Variants in TRPM1 observed in about 807,000 individuals in gnomAD.
TRPM1 encodes the protein TRPM1-203 APA Isoform, Intron 10.
Under a neutral mutation model 149.4 loss-of-function variants are expected in TRPM1, and 113 were observed. That is an observed-to-expected ratio of 0.76 (90% confidence interval 0.65 to 0.88). The LOEUF is 0.88. Ranked by LOEUF, TRPM1 falls within the 40% of genes least tolerant of loss-of-function variation. The pLI is 0.00. For synonymous variants in TRPM1, 741 were observed against 759.5 expected (o/e 0.98, Z 0.40); for missense variants, 1,976 against 2,038.7 (o/e 0.97, Z 0.59).
chr15:31,009,197 G>A (rs765193917), intron 27 of TRPM1, among the ~76,000 whole-genome samples: 1 of 150,854 alleles, frequency 6.6e-6, no homozygotes, highest in Non-Finnish European at 1.5e-5. Flanking sequence ...TTTTCTTTCA[G>A]CACTTTAAAA....
chr15:31,139,047 T>A (rs2036125945), intron 1 of TRPM1, among the ~76,000 whole-genome samples: 1 of 152,186 alleles, frequency 6.6e-6, no homozygotes, highest in Non-Finnish European at 1.5e-5. Flanking sequence ...GAGACTCAAG[T>A]GCACTTCTTA....
intron 1 of TRPM1, among the ~76,000 whole-genome samples, chr15:31,099,405 A>G (rs1468269357): frequency 6.6e-6 from 1 of 152,104 alleles, no homozygotes; most frequent in Non-Finnish European, 1.5e-5. Flanking sequence ...ACACCCAGAC[A>G]CACACACATA....
chr15:31,005,108 T>A (rs965133126), intron 27 of TRPM1, among the ~76,000 whole-genome samples: 1 of 147,684 alleles, frequency 6.8e-6, no homozygotes, highest in Non-Finnish European at 1.5e-5. Flanking sequence ...TCTCAAAAAA[T>A]AAATAAATAA....
chr15:31,134,509 GT>G (rs1335058861), intron 1 of TRPM1, among the ~76,000 whole-genome samples: 2 of 152,204 alleles, frequency 1.3e-5, no homozygotes, highest in Admixed American at 1.3e-4. Flanking sequence ...GAAAAGAAGA[GT>G]GACTAAATCA....
intron 15 of TRPM1, 37 bp downstream of exon 15, chr15:31,047,074 G>A: frequency 1.2e-6 from 2 of 1,614,102 alleles, no homozygotes; most frequent in Non-Finnish European, 1.7e-6. Flanking sequence ...CATGGTACTC[G>A]CGAACCACAG....
chr15:31,004,248 C>T (rs2031894595), intron 27 of TRPM1, among the ~76,000 whole-genome samples: 1 of 152,052 alleles, frequency 6.6e-6, no homozygotes, highest in Non-Finnish European at 1.5e-5. Context: ...TTATACATGT[C>T]CTCACTCGTA....
intron 25 of TRPM1, 71 bp downstream of exon 25, chr15:31,028,261 G>C: frequency 6.3e-7 from 1 of 1,589,858 alleles, no homozygotes; most frequent in Admixed American, 1.7e-5. Context: ...TCTTGGGAGC[G>C]TTCTGAGATT....
At chr15:31,063,485 TCA>T (rs1319038087) in intron 7 of TRPM1, among the ~76,000 whole-genome samples, 193 bp from the exon 8 acceptor site, 1 of 152,168 alleles carries the variant, frequency 6.6e-6, no homozygotes, top group African/African-American at 2.4e-5. Context: ...TGAGACAGAA[TCA>T]CACTCTGTCC....
chr15:31,037,589 T>A (rs1200264483), intron 20 of TRPM1, 122 bp downstream of exon 20: 4 of 1,355,944 alleles, frequency 2.9e-6, no homozygotes, highest in East Asian at 4.8e-5. Context: ...TTTGTTCTCA[T>A]AATTCATTTT....
chr15:31,028,289 A>G (rs765595591), intron 25 of TRPM1, 43 bp downstream of exon 25: 2 of 1,612,758 alleles, frequency 1.2e-6, no homozygotes, highest in Admixed American at 1.7e-5. Context: ...AAATCTGTAC[A>G]GTAATAAATA....
In TRPM1 at chr15:31,063,021, C is replaced by T. The variant is rs141239628; in HGVS notation, c.965+97G>A. On this transcript the variant is annotated intron_variant, in intron 8 of 27. Transcript: ENST00000256552. ...CTAGCAAATCTTCCTGATTTAAACA[C>T]GTTTGGAATGTCTAAGCAGACCACT... 290 of 1,501,268 alleles carry T rather than the reference C, an allele frequency of 1.9e-4. 1 individual carries two copies. In the East Asian group the frequency reaches 5.4e-3, roughly 28 times the overall value. The allele number at this position is 1,501,268 out of a possible 1,614,324, so 93.0% of individuals were successfully genotyped here.
chr15:31,100,296 C>T (rs2035485555), intron 1 of TRPM1, among the ~76,000 whole-genome samples: 1 of 151,982 alleles, frequency 6.6e-6, no homozygotes, highest in South Asian at 2.1e-4. Flanking sequence ...AGGATGGTCT[C>T]TATCTCTTGA....
At chr15:31,034,734 T>C (rs905652271) in intron 21 of TRPM1, among the ~76,000 whole-genome samples, 2 of 152,250 alleles carry the variant, frequency 1.3e-5, no homozygotes, top group South Asian at 2.1e-4. Context: ...CAAGTGTCTC[T>C]TGTATCTCTC....
intron 1 of TRPM1, among the ~76,000 whole-genome samples, chr15:31,145,106 G>T: frequency 6.6e-6 from 1 of 151,990 alleles, no homozygotes; most frequent in Non-Finnish European, 1.5e-5. Flanking sequence ...ACAACTCTCC[G>T]ACTAAAACCA....
At chr15:31,092,393 C>T (rs1237827969) in intron 1 of TRPM1, among the ~76,000 whole-genome samples, 2 of 152,016 alleles carry the variant, frequency 1.3e-5, no homozygotes, top group South Asian at 2.1e-4. Flanking sequence ...CTCTGGGAGG[C>T]GAGTGGCACC....
chr15:31,113,362 G>C (rs961585506), intron 1 of TRPM1, among the ~76,000 whole-genome samples: 3 of 151,952 alleles, frequency 2.0e-5, no homozygotes, highest in Admixed American at 2.0e-4. Flanking sequence ...GGCCACCATG[G>C]ACTGTCACAA....
chr15:31,012,980 T>C (rs1198026803), intron 27 of TRPM1, among the ~76,000 whole-genome samples: 14 of 128,000 alleles, frequency 1.1e-4, no homozygotes, highest in Non-Finnish European at 2.0e-4. Flanking sequence ...CTTTTTCTTT[T>C]TTTTTTTCTT....
intron 22 of TRPM1, chr15:31,031,418 A>T: frequency 1.8e-6 from 1 of 562,616 alleles, no homozygotes; most frequent in South Asian, 2.3e-5. Flanking sequence ...GTTGCCCATA[A>T]ACACATGTCC....
intron 1 of TRPM1, among the ~76,000 whole-genome samples, chr15:31,098,809 C>A (rs2035451209): frequency 6.6e-6 from 1 of 151,914 alleles, no homozygotes; most frequent in Admixed American, 6.6e-5. Flanking sequence ...CCTGTGCTTG[C>A]CACTTTAATG....
Sources: gnomAD v4.1 joint callset for allele counts (sites outside exome capture counted in the v4.1 genomes callset) on GRCh38, gnomAD v4.1.1 for gene constraint, MANE v1.5 for transcripts, NCBI Gene and HGNC (gene_info 2026-07-23, HGNC 2026-07-21) for gene names.